PSPC1: variants seen among roughly 807,000 people sequenced by gnomAD.
The protein encoded by PSPC1 is paraspeckle protein 1.
In PSPC1, 14 loss-of-function variants were observed where a neutral mutation model predicts 51.6. The observed-to-expected ratio is 0.27, with a 90% confidence interval of 0.18 to 0.42. PSPC1 has a LOEUF of 0.42. Ranked by LOEUF, PSPC1 falls within the 10% of genes least tolerant of loss-of-function variation. The pLI is 1.00. For missense variants in PSPC1, 406 were observed against 701.1 expected, an observed-to-expected ratio of 0.58 and a Z score of 4.75; for synonymous variants, 193 against 231.9, an observed-to-expected ratio of 0.83 and a Z score of 1.53.
intron 6 of PSPC1, among the ~76,000 whole-genome samples, chr13:19,682,493 A>C (rs1318011152): frequency 6.7e-6 from 1 of 149,962 alleles, no homozygotes. Flanking sequence ...TGGCAAAAAA[A>C]AAAAAAAAAA....
chr13:19,772,045 A>C (rs1163156203), intron 2 of PSPC1, among the ~76,000 whole-genome samples, 197 bp downstream of exon 2: 1 of 152,176 alleles, frequency 6.6e-6, no homozygotes, highest in Non-Finnish European at 1.5e-5. Context: ...CAGAGATTTA[A>C]ACTCTGAAGT....
intron 6 of PSPC1, chr13:19,679,183 T>C (rs1238434200): frequency 6.6e-6 from 1 of 152,256 alleles, no homozygotes; most frequent in African/African-American, 2.4e-5. Context: ...TGTATCCTTA[T>C]ATTCACCATG....
chr13:19,779,862 G>T, intron 1 of PSPC1, among the ~76,000 whole-genome samples: 1 of 117,684 alleles, frequency 8.5e-6, no homozygotes, highest in South Asian at 3.1e-4. Flanking sequence ...GAGGGAGGTG[G>T]GGGGGTCGGC....
chr13:19,759,224 T>C (rs1451766697), intron 3 of PSPC1, 99 bp downstream of exon 3: 6 of 905,712 alleles, frequency 6.6e-6, no homozygotes, highest in Non-Finnish European at 1.1e-5. Flanking sequence ...ACCCAGATTA[T>C]ATAAATAAAC....
intron 7 of PSPC1, among the ~76,000 whole-genome samples, chr13:19,708,573 C>T (rs1017311186): frequency 2.6e-5 from 4 of 152,102 alleles, no homozygotes; most frequent in East Asian, 1.9e-4. Flanking sequence ...CTTGGCTATA[C>T]GAGCAAATCC....
intron 5 of PSPC1, among the ~76,000 whole-genome samples, chr13:19,739,883 A>T (rs1212583030): frequency 6.6e-6 from 1 of 150,530 alleles, no homozygotes; most frequent in Non-Finnish European, 1.5e-5. Context: ...AAAAAAAAAC[A>T]GTAGTTCTCA....
intron 2 of PSPC1, among the ~76,000 whole-genome samples, chr13:19,766,869 A>G (rs1324713543): frequency 3.7e-5 from 5 of 136,512 alleles, no homozygotes; most frequent in Non-Finnish European, 8.4e-5. Context: ...AAAAAAAAAG[A>G]AAAAAAAAAA....
intron 6 of PSPC1, among the ~76,000 whole-genome samples, chr13:19,689,548 C>T (rs1878316415): frequency 6.6e-6 from 1 of 152,124 alleles, no homozygotes; most frequent in South Asian, 2.1e-4. Flanking sequence ...TTTGCATACG[C>T]TGAATTATAC....
chr13:19,706,325 C>T (rs1055218621), intron 7 of PSPC1, among the ~76,000 whole-genome samples: 1 of 151,462 alleles, frequency 6.6e-6, no homozygotes, highest in Non-Finnish European at 1.5e-5. Flanking sequence ...ACTAGCCTCT[C>T]ATCTTAGTTT....
downstream of PSPC1, among the ~76,000 whole-genome samples, chr13:19,674,325 C>T (rs1243026965): frequency 6.6e-6 from 1 of 152,144 alleles, no homozygotes; most frequent in African/African-American, 2.4e-5. Flanking sequence ...TGGTTTCAGT[C>T]CAGAAATAGA....
chr13:19,701,548 T>A (rs1879906735), downstream of PSPC1, among the ~76,000 whole-genome samples: 1 of 152,186 alleles, frequency 6.6e-6, no homozygotes, highest in South Asian at 2.1e-4. Context: ...ACCACAAATT[T>A]TGGAAAATAG....
intron 1 of PSPC1, among the ~76,000 whole-genome samples, chr13:19,779,249 G>A (rs1391096440): frequency 1.2e-4 from 7 of 57,650 alleles, no homozygotes; most frequent in African/African-American, 2.7e-4. Context: ...GAGCGTCTCC[G>A]CCCGGCAGCC....
At chr13:19,718,880 G>A (rs1222412874) in intron 6 of PSPC1, among the ~76,000 whole-genome samples, 2 of 152,272 alleles carry the variant, frequency 1.3e-5, no homozygotes, top group Admixed American at 1.3e-4. Context: ...TGAAGAGGCT[G>A]TATACTGTAT....
intron 6 of PSPC1, chr13:19,678,583 C>T (rs1226321696): frequency 6.6e-6 from 1 of 152,072 alleles, no homozygotes; most frequent in Non-Finnish European, 1.5e-5. Context: ...ATTTGGGACT[C>T]AATTTGCCTG....
intron 8 of PSPC1, among the ~76,000 whole-genome samples, chr13:19,703,668 C>T (rs1880246929): frequency 6.6e-6 from 1 of 151,366 alleles, no homozygotes; most frequent in African/African-American, 2.5e-5. Context: ...TATAATAAAT[C>T]TCTGATTCCT....
rs1160887296 is a variant in PSPC1 at position 19,718,354 on chromosome 13, T to C, written c.1159-8755A>G. ...AAAATATTCTTCAGATATATGATTG[T>C]TAAAATGAAACTTTACATCGTATGC... On this transcript the variant is annotated intron_variant, in intron 6 of 8. Coordinates refer to ENST00000338910, the MANE Select transcript of PSPC1 (RefSeq NM_001354909.2). Among the ~76,000 whole-genome samples, 8 of 152,320 alleles carry C rather than the reference T, an allele frequency of 5.3e-5. No homozygotes were observed. The South Asian group carries it at 1.7e-3, about 32-fold the overall frequency.
chr13:19,727,867 T>C lies in PSPC1; in HGVS notation c.1158+2372A>G, dbSNP rs562794601. 3.3e-5 allele frequency among the ~76,000 whole-genome samples: 5 copies of C among 152,282 alleles called. No homozygotes were observed. The South Asian group carries it at 1.0e-3, about 32-fold the overall frequency. ...GAAAAAAATTGAATACACTCTATAT[T>C]ATGGTAAAGACAAACCTAAATGCAA... On this transcript the variant is annotated intron_variant, in intron 6 of 8. Transcript: ENST00000338910.
intron 1 of PSPC1, 108 bp from the exon 2 acceptor site, chr13:19,772,651 G>A: frequency 1.0e-6 from 1 of 989,354 alleles, no homozygotes; most frequent in Non-Finnish European, 1.5e-6. Context: ...TGGCTGACAG[G>A]GTCAATTTGA....
At chr13:19,708,546 C>T (rs536411288) in intron 7 of PSPC1, among the ~76,000 whole-genome samples, 1 of 152,234 alleles carries the variant, frequency 6.6e-6, no homozygotes, top group South Asian at 2.1e-4. Flanking sequence ...ATTTACTTGG[C>T]ATTATTTCCC....
Sources: gnomAD v4.1 joint callset for allele counts (sites outside exome capture counted in the v4.1 genomes callset) on GRCh38, gnomAD v4.1.1 for gene constraint, MANE v1.5 for transcripts, NCBI Gene and HGNC (gene_info 2026-07-23, HGNC 2026-07-21) for gene names.